SLC4A5: variants seen among roughly 807,000 people sequenced by gnomAD.
SLC4A5 encodes the protein electrogenic sodium bicarbonate cotransporter 4.
SLC4A5 carries 96 observed loss-of-function variants against 120.4 expected under a neutral mutation model. The observed-to-expected ratio is 0.80, with a 90% CI of 0.68 to 0.94. The LOEUF (loss-of-function observed/expected upper bound fraction) is 0.94. Among genes scored for constraint, SLC4A5 ranks in the 40% least tolerant of loss-of-function variants. SLC4A5 has a pLI of 0.00. For missense variants in SLC4A5, 1,259 were observed against 1,459.5 expected (o/e 0.86, Z 2.24); for synonymous variants, 550 against 571.1 (o/e 0.96, Z 0.53).
intron 25 of SLC4A5, among the ~76,000 whole-genome samples, chr2:74,229,197 A>G (rs1186763291): frequency 2.9e-5 from 4 of 138,022 alleles, no homozygotes; most frequent in Non-Finnish European, 3.1e-5. Flanking sequence ...CGGCCTCCCA[A>G]AGTGTTAGGA....
chr2:74,333,832 G>A (rs1673423214), intron 4 of SLC4A5, among the ~76,000 whole-genome samples, 195 bp downstream of exon 4: 1 of 152,196 alleles, frequency 6.6e-6, no homozygotes, highest in Admixed American at 6.5e-5. Context: ...ACATCTGAAA[G>A]GATTTAGGTA....
At chr2:74,304,823 G>T in intron 6 of SLC4A5, 143 bp from the exon 7 acceptor site, 1 of 779,158 alleles carries the variant, frequency 1.3e-6, no homozygotes, top group Non-Finnish European at 2.0e-6. Flanking sequence ...TTGCCCTGAG[G>T]CTTGGGTTTG....
At chr2:74,337,933 G>C (rs1673535447) in intron 3 of SLC4A5, among the ~76,000 whole-genome samples, 1 of 152,212 alleles carries the variant, frequency 6.6e-6, no homozygotes, top group African/African-American at 2.4e-5. Context: ...TAGGTATCGT[G>C]AAACAGAAAG....
intron 10 of SLC4A5, among the ~76,000 whole-genome samples, chr2:74,263,515 T>A (rs1671206791): frequency 6.6e-6 from 1 of 152,208 alleles, no homozygotes; most frequent in Admixed American, 6.5e-5. Flanking sequence ...TAGGCTGGGA[T>A]ACTGATAGTG....
At position 74,220,966 on chromosome 2, in the gene SLC4A5, T is replaced by G. The variant is rs548600937; in HGVS notation, c.*33+468A>C. ...TGCCATTCCCCTGCCTCAGCCTCCCTAGTAGCTGGGACTACAGGCCCCCAC... is the reference window on the plus strand; with the variant it reads ...TGCCATTCCCCTGCCTCAGCCTCCCGAGTAGCTGGGACTACAGGCCCCCAC... On this transcript the variant is annotated intron_variant, in intron 30 of 30. Coordinates refer to ENST00000394019, the Ensembl canonical transcript of SLC4A5. Among the ~76,000 whole-genome samples the G allele has an allele frequency of 9.3e-4, 137 of 146,626 alleles. 2 individuals carry two copies. The highest frequency in any genetic ancestry group is 3.2e-3 in the African/African-American group (129 of 39,768).
At chr2:74,317,045 T>C (rs903612399) in intron 5 of SLC4A5, among the ~76,000 whole-genome samples, 1 of 152,256 alleles carries the variant, frequency 6.6e-6, no homozygotes, top group Non-Finnish European at 1.5e-5. Context: ...ACCACCTTCA[T>C]GAATATTCAT....
intron 5 of SLC4A5, among the ~76,000 whole-genome samples, chr2:74,315,661 T>C (rs1672945888): frequency 6.6e-6 from 1 of 150,760 alleles, no homozygotes; most frequent in Admixed American, 6.6e-5. Context: ...CCAGGTGTGA[T>C]GGTGTGCTGT....
chr2:74,236,611 T>C (rs1026774365), intron 21 of SLC4A5, among the ~76,000 whole-genome samples: 7 of 152,230 alleles, frequency 4.6e-5, no homozygotes, highest in African/African-American at 1.4e-4. Flanking sequence ...AGCTTTATAT[T>C]ATCATGATCA....
At chr2:74,253,651 C>T (rs1037531567) in intron 14 of SLC4A5, among the ~76,000 whole-genome samples, 2 of 151,500 alleles carry the variant, frequency 1.3e-5, no homozygotes, top group African/African-American at 2.4e-5. Flanking sequence ...TTTAATTTTA[C>T]ATAAACACAC....
chr2:74,332,878 C>T (rs1023291561), intron 4 of SLC4A5, among the ~76,000 whole-genome samples: 1 of 152,172 alleles, frequency 6.6e-6, no homozygotes, highest in Non-Finnish European at 1.5e-5. Context: ...GATATGGCTA[C>T]CCCTTTTCTC....
At position 74,302,598 on chromosome 2, in the gene SLC4A5, C is replaced by G. The variant is rs562722432; in HGVS notation, c.271+1891G>C. 1.1e-4 allele frequency among the ~76,000 whole-genome samples: 16 copies of G among 152,354 alleles called. No individual in the cohort carries two copies. The South Asian group carries it at 1.4e-3, about 14-fold the overall frequency. On this transcript the variant is annotated intron_variant, in intron 7 of 30. Coordinates refer to ENST00000394019, the Ensembl canonical transcript of SLC4A5. ...CGCCACTTAACTCTAGCCTGGGCAA[C>G]AGAATGAGACTGCGTCTCAAAAATA...
Position 74,327,012 on chromosome 2 carries a change from T to C in SLC4A5, c.-3+1108A>G, listed in dbSNP as rs1033000038. 4.6e-5 allele frequency among the ~76,000 whole-genome samples: 7 copies of C among 152,328 alleles called. No individual in the cohort carries two copies. In the South Asian group the frequency reaches 1.0e-3, roughly 23 times the overall value. On this transcript the variant is annotated intron_variant, in intron 5 of 30. Coordinates refer to ENST00000394019, the Ensembl canonical transcript of SLC4A5. ...GGTGTTTAGGTGCCCACCCCTTCCC[T>C]ATCCACAAGGACACATCAATTCAAT...
intron 8 of SLC4A5, among the ~76,000 whole-genome samples, chr2:74,275,581 GTC>G (rs1671612635): frequency 6.6e-6 from 1 of 152,158 alleles, no homozygotes; most frequent in Non-Finnish European, 1.5e-5. Flanking sequence ...AAGTTCAAAA[GTC>G]ACCTCTCCTT....
At chr2:74,322,289 T>G (rs982442997) in intron 5 of SLC4A5, among the ~76,000 whole-genome samples, 2 of 152,174 alleles carry the variant, frequency 1.3e-5, no homozygotes, top group African/African-American at 4.8e-5. Context: ...CTATGGACAG[T>G]TGAAATTAAT....
intron 11 of SLC4A5, among the ~76,000 whole-genome samples, chr2:74,260,442 A>G (rs1048333233): frequency 6.6e-6 from 1 of 152,018 alleles, no homozygotes; most frequent in South Asian, 2.1e-4. Context: ...TCCAACACCC[A>G]TTTGGGCTGA....
chr2:74,225,567 T>A (rs571363536), intron 27 of SLC4A5, among the ~76,000 whole-genome samples: 1 of 152,180 alleles, frequency 6.6e-6, no homozygotes, highest in South Asian at 2.1e-4. Flanking sequence ...CTGCATTCCA[T>A]CCTGGGCGAC....
rs529277071 is a variant in SLC4A5 at position 74,315,348 on chromosome 2, G to T, written c.-2-323C>A. Among the ~76,000 whole-genome samples, 6 of 150,054 alleles carry T rather than the reference G, an allele frequency of 4.0e-5. No individual in the cohort carries two copies. The South Asian group carries it at 1.3e-3, about 32-fold the overall frequency. On this transcript the variant is annotated intron_variant, in intron 5 of 30. Coordinates refer to ENST00000394019, the Ensembl canonical transcript of SLC4A5. ...CCAGCTGCTAGGAAGGCTGAGGCAA[G>T]AGAATCTCTTGAACCCGGGAGGTGG...
intron 8 of SLC4A5, among the ~76,000 whole-genome samples, chr2:74,281,820 C>A (rs1232648067): frequency 6.6e-6 from 1 of 152,200 alleles, no homozygotes; most frequent in Non-Finnish European, 1.5e-5. Context: ...ACACTCCCTG[C>A]AGCAAATTAA....
intron 2 of SLC4A5, chr2:74,339,431 A>T (rs1014820364): frequency 1.4e-4 from 22 of 152,244 alleles, no homozygotes; most frequent in African/African-American, 4.8e-4. Flanking sequence ...TTAAATTTTT[A>T]AAAAAGAAAT....
Sources: allele counts gnomAD v4.1 joint callset (sites outside exome capture counted in the v4.1 genomes callset), GRCh38; gene constraint gnomAD v4.1.1; transcripts MANE v1.5; gene names NCBI Gene and HGNC (gene_info 2026-07-23, HGNC 2026-07-21).